PDE10A: variants seen among roughly 807,000 people sequenced by gnomAD.
PDE10A encodes phosphodiesterase 10A, also known as cAMP and cAMP-inhibited cGMP 3',5'-cyclic phosphodiesterase 10A.
A neutral mutation model predicts 97.7 loss-of-function variants in PDE10A; 39 were observed. That is an observed-to-expected ratio of 0.40 (90% CI 0.31 to 0.52). The LOEUF (loss-of-function observed/expected upper bound fraction) is 0.52. Ranked by LOEUF, PDE10A falls within the 20% of genes least tolerant of loss-of-function variation. The pLI, the probability that PDE10A is intolerant of heterozygous loss-of-function variation, is 0.56. For synonymous variants in PDE10A, 371 were observed against 376.8 expected (o/e 0.98, Z 0.18); for missense variants, 731 against 1,047.8 (o/e 0.70, Z 4.17).
intron 1 of PDE10A, among the ~76,000 whole-genome samples, chr6:165,626,293 T>C (rs1353511901): frequency 6.6e-6 from 1 of 152,256 alleles, no homozygotes; most frequent in East Asian, 1.9e-4. Flanking sequence ...TTTTCTTTTT[T>C]GGATTAGATG....
chr6:165,455,925 G>C (rs1382501737), intron 3 of PDE10A, among the ~76,000 whole-genome samples: 1 of 152,074 alleles, frequency 6.6e-6, no homozygotes, highest in Non-Finnish European at 1.5e-5. Context: ...CTGTTGATAG[G>C]TATTTACATA....
At chr6:165,720,477 C>G (rs1032142153) in intron 1 of PDE10A, among the ~76,000 whole-genome samples, 2 of 152,144 alleles carry the variant, frequency 1.3e-5, no homozygotes, top group Non-Finnish European at 2.9e-5. Context: ...CTGTGCACAG[C>G]TACAGCTGCC....
chr6:165,399,752 A>G (rs1037363420), intron 13 of PDE10A, among the ~76,000 whole-genome samples: 6 of 152,200 alleles, frequency 3.9e-5, no homozygotes, highest in African/African-American at 1.4e-4. Flanking sequence ...AAAGGACATG[A>G]ACTCATCATT....
At chr6:165,752,408 G>T (rs992629991) in intron 1 of PDE10A, among the ~76,000 whole-genome samples, 3 of 152,186 alleles carry the variant, frequency 2.0e-5, no homozygotes, top group African/African-American at 7.2e-5. Context: ...GGGACCATGT[G>T]TCCAGCTGCA....
intron 5 of PDE10A, among the ~76,000 whole-genome samples, chr6:165,445,119 T>C (rs1479416668): frequency 1.3e-5 from 2 of 152,224 alleles, no homozygotes; most frequent in Non-Finnish European, 2.9e-5. Flanking sequence ...CAAAAATATA[T>C]ACATGTATCT....
intron 1 of PDE10A, among the ~76,000 whole-genome samples, chr6:165,764,746 G>T (rs1372724970): frequency 6.6e-6 from 1 of 152,176 alleles, no homozygotes; most frequent in Admixed American, 6.5e-5. Context: ...AGGCACTGTG[G>T]ACCCAAAGAG....
intron 1 of PDE10A, among the ~76,000 whole-genome samples, chr6:165,967,364 G>A (rs1784541605): frequency 6.6e-6 from 1 of 152,182 alleles, no homozygotes. Context: ...GGCTGTGGTG[G>A]TGCATGCCTG....
intron 1 of PDE10A, among the ~76,000 whole-genome samples, chr6:165,586,256 C>T (rs1785905856): frequency 6.6e-6 from 1 of 152,196 alleles, no homozygotes; most frequent in South Asian, 2.1e-4. Flanking sequence ...TGTGCCTCAA[C>T]TTCCTCCTTC....
intron 1 of PDE10A, among the ~76,000 whole-genome samples, chr6:165,866,055 A>G (rs906890448): frequency 6.6e-6 from 1 of 152,174 alleles, no homozygotes; most frequent in Non-Finnish European, 1.5e-5. Flanking sequence ...AACAATTAAC[A>G]AAATGCAGAA....
At chr6:165,797,102 A>G (rs1481906985) in intron 1 of PDE10A, among the ~76,000 whole-genome samples, 1 of 152,202 alleles carries the variant, frequency 6.6e-6, no homozygotes, top group African/African-American at 2.4e-5. Context: ...GGTGCAAGTG[A>G]CCCTTGGTTT....
chr6:165,474,015 A>C (rs576330692), intron 3 of PDE10A, among the ~76,000 whole-genome samples: 3 of 152,226 alleles, frequency 2.0e-5, no homozygotes, highest in Non-Finnish European at 4.4e-5. Context: ...TTAGTTGTAG[A>C]GCATAATTAT....
At chr6:165,916,073 A>T (rs1052335752) in intron 1 of PDE10A, among the ~76,000 whole-genome samples, 1 of 152,368 alleles carries the variant, frequency 6.6e-6, no homozygotes, top group Middle Eastern at 3.4e-3. Flanking sequence ...GAGTAATTGC[A>T]CTGGCACAAA....
At chr6:165,925,084 C>G (rs774839420) in intron 1 of PDE10A, among the ~76,000 whole-genome samples, 1 of 151,836 alleles carries the variant, frequency 6.6e-6, no homozygotes, top group Non-Finnish European at 1.5e-5. Context: ...TGAAATGGGC[C>G]GAAGACATAA....
At chr6:165,524,697 G>T (rs564476342) in intron 2 of PDE10A, among the ~76,000 whole-genome samples, 1 of 152,266 alleles carries the variant, frequency 6.6e-6, no homozygotes, top group Non-Finnish European at 1.5e-5. Flanking sequence ...AGGAAGAGCT[G>T]AAATTGTGGA....
rs528795604 is a variant in PDE10A, at chr6:165,549,347, CAG to C, written c.866-5781_866-5780del. 2.4e-3 allele frequency among the ~76,000 whole-genome samples: 369 copies of C among 152,188 alleles called. 1 individual carries two copies. The highest frequency in any genetic ancestry group is 8.5e-3 in the African/African-American group (353 of 41,526). On this transcript the variant is annotated intron_variant, in intron 1 of 21. Coordinates refer to ENST00000539869, the MANE Select transcript of PDE10A (RefSeq NM_001385079.1). ...TTTCTGTTTTTGTTTTTGTTTGAGACAGAGTCTCTCTGTGTCACCCAGGCTGG... is the reference window on the plus strand; with the variant it reads ...TTTCTGTTTTTGTTTTTGTTTGAGACAGTCTCTCTGTGTCACCCAGGCTGG...
At chr6:165,611,178 G>T (rs1243310481) in intron 1 of PDE10A, among the ~76,000 whole-genome samples, 3 of 151,980 alleles carry the variant, frequency 2.0e-5, no homozygotes, top group Non-Finnish European at 2.9e-5. Context: ...GTAATTTATT[G>T]ACCCATGAAG....
intron 1 of PDE10A, among the ~76,000 whole-genome samples, chr6:165,885,283 T>TA (rs1781597308): frequency 6.6e-6 from 1 of 152,250 alleles, no homozygotes; most frequent in South Asian, 2.1e-4. Context: ...TCAGGAAACT[T>TA]ACAATCATGG....
intron 1 of PDE10A, among the ~76,000 whole-genome samples, chr6:165,951,936 C>T (rs1783976071): frequency 2.0e-5 from 3 of 152,220 alleles, no homozygotes; most frequent in Admixed American, 1.3e-4. Flanking sequence ...CATACACTTG[C>T]TCTAGTTATT....
chr6:165,502,031 A>G (rs1780920588), intron 2 of PDE10A, among the ~76,000 whole-genome samples: 2 of 152,242 alleles, frequency 1.3e-5, no homozygotes, highest in African/African-American at 4.8e-5. Context: ...AAGTGATTCA[A>G]TGAAGAAAGG....
Sources: gnomAD v4.1 joint callset for allele counts (sites outside exome capture counted in the v4.1 genomes callset) on GRCh38, gnomAD v4.1.1 for gene constraint, MANE v1.5 for transcripts, NCBI Gene and HGNC (gene_info 2026-07-23, HGNC 2026-07-21) for gene names.